SLC12A5: variants seen among roughly 807,000 people sequenced by gnomAD.
SLC12A5 encodes solute carrier family 12 member 5.
Under a neutral mutation model 124.0 loss-of-function variants are expected in SLC12A5, and 18 were observed. The ratio of observed to expected loss-of-function variants is 0.15; its 90% CI spans 0.10 to 0.22. SLC12A5 has a LOEUF of 0.22. Among genes scored for constraint, SLC12A5 ranks in the 10% least tolerant of loss-of-function variants. SLC12A5 has a pLI of 1.00. For missense variants in SLC12A5, 867 were observed against 1,478.7 expected, an observed-to-expected ratio of 0.59 and a Z score of 6.78; for synonymous variants, 589 against 568.0, an observed-to-expected ratio of 1.04 and a Z score of -0.53.
intron 1 of SLC12A5, among the ~76,000 whole-genome samples, chr20:46,031,968 G>A (rs2084455090): frequency 6.6e-6 from 1 of 152,250 alleles, no homozygotes; most frequent in Non-Finnish European, 1.5e-5. Flanking sequence ...TGCGCCTGGC[G>A]TTCAGGGAGG....
rs1555863134 is a variant in SLC12A5, at chr20:46,040,452, G to A, written c.692G>A (p.Arg231His). 1.9e-6 allele frequency: 3 copies of A among 1,614,142 alleles called. No individual in the cohort carries two copies. Among genetic ancestry groups the A allele is most frequent in the African/African-American group, 2.7e-5 (2 of 74,952 alleles). ...GEAAAMLNNM[R>H]VYGTCVLTCM... ...GCAGCAGCCATGCTGAACAACATGCGTGTTTACGGCACCTGTGTGCTCACC... is the reference window on the plus strand; with the variant it reads ...GCAGCAGCCATGCTGAACAACATGCATGTTTACGGCACCTGTGTGCTCACC... The change falls in exon 7 of 26, where the codon CGT becomes CAT. Residue 231 changes from arginine to histidine, a missense_variant. Physicochemically the swap from Arg to His is conservative, Grantham distance 29 (BLOSUM62 0). Around this residue, in one of 9 missense-constraint regions of SLC12A5, gnomAD observed 126 missense variants for 291.6 expected, o/e 0.43. Transcript: ENST00000243964.
rs3080279 is a variant in SLC12A5 at position 46,029,858 on chromosome 20, C to CTGTGTG, written c.52+489_52+494dup. On this transcript the variant is annotated intron_variant, in intron 1 of 25. Coordinates refer to ENST00000243964, the MANE Select transcript of SLC12A5 (RefSeq NM_020708.5). ...ATCTGGAAGATGGGGGAAGAGGTGG[C>CTGTGTG]TGTGTGTGTGTGTGTGTGTGTGTGT... Among the ~76,000 whole-genome samples the CTGTGTG allele has an allele frequency of 7.6e-3, 1,010 of 133,044 alleles. 4 individuals carry two copies. Among genetic ancestry groups the CTGTGTG allele is most frequent in the Middle Eastern group, 0.026 (7 of 272 alleles). 87.3% of individuals were successfully genotyped at this position (133,044 alleles called of 152,430 possible).
chr20:46,057,827 G>T lies in SLC12A5; in HGVS notation c.*222G>T. On this transcript the variant is annotated 3_prime_UTR_variant, in exon 26 of 26. Coordinates refer to ENST00000243964, the MANE Select transcript of SLC12A5 (RefSeq NM_020708.5). The surrounding 1 kb of genome is among the most constrained non-coding windows in gnomAD (Gnocchi z 7.1). ...GCTCCTCAGTGCCAGTTTGGCCCCT[G>T]GGTCTTCGCTGCCCTTTTTCTAAGC... is the stretch of plus-strand genomic sequence containing the variant. 1 of 489,300 alleles carries T rather than the reference G, an allele frequency of 2.0e-6. No individual in the cohort carries two copies. Among genetic ancestry groups the T allele is most frequent in the Non-Finnish European group, 3.6e-6 (1 of 279,760 alleles). The allele number at this position is 489,300 out of a possible 1,614,324, so 30.3% of individuals were successfully genotyped here.
chr20:46,037,697 G>A (rs969054745), intron 6 of SLC12A5, among the ~76,000 whole-genome samples: 1 of 152,212 alleles, frequency 6.6e-6, no homozygotes, highest in Non-Finnish European at 1.5e-5. Flanking sequence ...TTTTACAAAT[G>A]AGAAGCTCAG....
Position 46,040,355 on chromosome 20 carries a change from C to T in SLC12A5, c.613-18C>T, listed in dbSNP as rs965878928. ...GCTGCTGACTTAGGTATCTGTTCTT[C>T]CTGCCCCTTTCCCACAGGCTTACCT... On this transcript the variant is annotated intron_variant, in intron 6 of 25. Transcript: ENST00000243964. 20 of 1,612,758 alleles carry T rather than the reference C, an allele frequency of 1.2e-5. No homozygotes were observed. The highest frequency in any genetic ancestry group is 1.6e-5 in the Non-Finnish European group (19 of 1,179,892).
At chr20:46,055,607 C>T (rs1311689317) in intron 21 of SLC12A5, among the ~76,000 whole-genome samples, 4 of 152,060 alleles carry the variant, frequency 2.6e-5, no homozygotes, top group African/African-American at 9.7e-5. Context: ...GGTGTTACCC[C>T]AGCTGGGGAC....
chr20:46,040,329 G>GGCT (rs1171595541), intron 6 of SLC12A5, 44 bp from the exon 7 acceptor site: 1 of 1,606,972 alleles, frequency 6.2e-7, no homozygotes, highest in Non-Finnish European at 8.5e-7. Flanking sequence ...TAGTGCAAAG[G>GGCT]GCTGCTGACT....
At chr20:46,025,905 A>C (rs751307259), upstream of SLC12A5, among the ~76,000 whole-genome samples, 13 of 152,038 alleles carry the variant, frequency 8.6e-5, no homozygotes, top group Non-Finnish European at 1.9e-4. Flanking sequence ...AATGCAGTGG[A>C]GATGCGGAGG....
At chr20:46,044,722 G>C (rs2084578264) in intron 11 of SLC12A5, 1 of 528,700 alleles carries the variant, frequency 1.9e-6, no homozygotes, top group Non-Finnish European at 3.4e-6. Flanking sequence ...ATGCAGTGGG[G>C]GACGTGGGGC....
downstream of SLC12A5, chr20:46,023,700 CA>C: frequency 5.6e-6 from 2 of 358,424 alleles, no homozygotes; most frequent in Admixed American, 4.7e-5. Flanking sequence ...TAACCTTTTC[CA>C]AAAACCTTTT....
Position 46,056,714 on chromosome 20 carries a change from G to C in SLC12A5, c.3110+150G>C, listed in dbSNP as rs948750405. On this transcript the variant is annotated intron_variant, in intron 23 of 25. Transcript: ENST00000243964. The surrounding 1 kb of genome is among the most constrained non-coding windows in gnomAD (Gnocchi z 4.3). ...TTGGTTTCTCCATCTGAGGACTTAG[G>C]GGGTTGGGCCCCATTGCTAAGTCTC... 16 of 1,132,626 alleles carry C rather than the reference G, an allele frequency of 1.4e-5. No homozygotes were observed. Among genetic ancestry groups the C allele is most frequent in the Non-Finnish European group, 2.0e-5 (16 of 786,294 alleles). The allele number at this position is 1,132,626 out of a possible 1,614,324, so 70.2% of individuals were successfully genotyped here.
In SLC12A5 at chr20:46,029,258, A is replaced by G; in HGVS notation, c.-87A>G. The G allele has an allele frequency of 6.7e-7, 1 of 1,491,758 alleles. No homozygotes were observed. The highest frequency in any genetic ancestry group is 8.9e-7 in the Non-Finnish European group (1 of 1,121,206). The allele number at this position is 1,491,758 out of a possible 1,614,324, so 92.4% of individuals were successfully genotyped here. Reference sequence around the variant, plus strand: ...GTGGAGCGGAGAGCGAGACAGAGCTACAGCGAACGAGAGAGCGGCGAAGGC... The same window carrying G: ...GTGGAGCGGAGAGCGAGACAGAGCTGCAGCGAACGAGAGAGCGGCGAAGGC... On this transcript the variant is annotated 5_prime_UTR_variant, in exon 1 of 26. Coordinates refer to ENST00000243964, the MANE Select transcript of SLC12A5 (RefSeq NM_020708.5).
rs2084668339 is a variant in SLC12A5, at chr20:46,053,969, C to T, written c.2679+260C>T. Among the ~76,000 whole-genome samples, 1 of 152,196 alleles carries T rather than the reference C, an allele frequency of 6.6e-6. No homozygotes were observed. The highest frequency in any genetic ancestry group is 1.5e-5 in the Non-Finnish European group (1 of 68,036). ...CCAACAACGACCAATGAGATAGATA[C>T]AATTATCAGCATTTCCATGTTACAG... On this transcript the variant is annotated intron_variant, in intron 20 of 25. Transcript: ENST00000243964. The surrounding 1 kb of genome is among the most constrained non-coding windows in gnomAD (Gnocchi z 4.7).
intron 4 of SLC12A5, 118 bp downstream of exon 4, chr20:46,036,041 A>G (rs1454263766): frequency 7.8e-7 from 1 of 1,280,552 alleles, no homozygotes; most frequent in Non-Finnish European, 1.0e-6. Context: ...ACCACTGCTT[A>G]TGATCTTTGA....
Position 46,048,019 on chromosome 20 carries a change from C to T in SLC12A5, c.1946C>T (p.Ser649Phe). 1 of 1,612,880 alleles carries T rather than the reference C, an allele frequency of 6.2e-7. No individual in the cohort carries two copies. Among genetic ancestry groups the T allele is most frequent in the Non-Finnish European group, 8.5e-7 (1 of 1,179,532 alleles). Reference sequence around the variant, plus strand: ...TGGGGCGATGGGATACGAGGTCTGTCTCTCAGTGCGGCTCGCTATGCCCTC... The same window carrying T: ...TGGGGCGATGGGATACGAGGTCTGTTTCTCAGTGCGGCTCGCTATGCCCTC... ...KEWGDGIRGL[S>F]LSAARYALLR... Residue 649 changes from serine (S) to phenylalanine (F), a missense_variant, in exon 16 of 26, where the codon TCT becomes TTT. Ser to Phe is a radical substitution (Grantham distance 155, BLOSUM62 -2). This residue lies in a region of SLC12A5 where 152 missense variants were observed against 358.7 expected (regional missense o/e 0.42). Transcript: ENST00000243964.
intron 6 of SLC12A5, among the ~76,000 whole-genome samples, chr20:46,039,157 T>C (rs1439631187): frequency 6.6e-6 from 1 of 152,210 alleles, no homozygotes; most frequent in African/African-American, 2.4e-5. Context: ...ACCCTATACC[T>C]AAGCAACTCA....
rs2084666820 is a variant in SLC12A5 at position 46,053,835 on chromosome 20, C to T, written c.2679+126C>T. The T allele has an allele frequency of 9.1e-7, 1 of 1,102,884 alleles. No homozygotes were observed. Among genetic ancestry groups the T allele is most frequent in the Non-Finnish European group, 1.3e-6 (1 of 799,202 alleles). 68.3% of individuals were successfully genotyped at this position (1,102,884 alleles called of 1,614,324 possible). Reference sequence around the variant, plus strand: ...TGGATCCTTTCCCCCTCATCCATCTCTTAGCCTCTCACATATTCAGCCATC... The same window carrying T: ...TGGATCCTTTCCCCCTCATCCATCTTTTAGCCTCTCACATATTCAGCCATC... On this transcript the variant is annotated intron_variant, in intron 20 of 25. Transcript: ENST00000243964. The surrounding 1 kb of genome is among the most constrained non-coding windows in gnomAD (Gnocchi z 4.7).
chr20:46,056,939 C>G lies in SLC12A5; in HGVS notation c.3125+28C>G. On this transcript the variant is annotated intron_variant, in intron 24 of 25. Coordinates refer to ENST00000243964, the MANE Select transcript of SLC12A5 (RefSeq NM_020708.5). This position sits in a 1 kb window ranked among gnomAD's most constrained non-coding sequence, Gnocchi z 4.3. Reference sequence around the variant, plus strand: ...AAGTGCTTCAGCATTTTTTCATTCTCTCTCCTAGGATGGCCAGGGTCCCTA... The same window carrying G: ...AAGTGCTTCAGCATTTTTTCATTCTGTCTCCTAGGATGGCCAGGGTCCCTA... 3 of 1,613,928 alleles carry G rather than the reference C, an allele frequency of 1.9e-6. No individual in the cohort carries two copies. Among genetic ancestry groups the G allele is most frequent in the Middle Eastern group, 3.3e-4 (2 of 6,062 alleles).
chr20:46,048,048 C>T lies in SLC12A5; in HGVS notation c.1975C>T (p.Arg659Cys), dbSNP rs1173713421. Residue 659 changes from arginine (R) to cysteine (C), a missense_variant, in exon 16 of 26, where the codon CGC (arginine) becomes TGC (cysteine). Coordinates refer to ENST00000243964, the MANE Select transcript of SLC12A5 (RefSeq NM_020708.5). ...CAGTGCGGCTCGCTATGCCCTCTTA[C>T]GCCTGGAGGAAGGGCCCCCACACAC... Reference protein sequence around the residue: ...SLSAARYALLRLEEGPPHTKN... With the variant: ...SLSAARYALLCLEEGPPHTKN... 6.2e-6 allele frequency: 10 copies of T among 1,612,544 alleles called. No individual in the cohort carries two copies. The highest frequency in any genetic ancestry group is 2.2e-5 in the East Asian group (1 of 44,868).
Sources: allele counts gnomAD v4.1 joint callset (sites outside exome capture counted in the v4.1 genomes callset), GRCh38; gene constraint gnomAD v4.1.1; regional missense constraint gnomAD v4.1.1; non-coding constraint Gnocchi (gnomAD v3.1); transcripts MANE v1.5; gene names NCBI Gene and HGNC (gene_info 2026-07-23, HGNC 2026-07-21).